The following HSD17B4 variants were observed in gnomAD, a reference collection of about 807,000 sequenced individuals.
HSD17B4 encodes the protein hydroxysteroid 17-beta dehydrogenase 4.
HSD17B4 carries 70 observed loss-of-function variants against 101.0 expected under a neutral mutation model. The ratio of observed to expected loss-of-function variants is 0.69; its 90% CI spans 0.57 to 0.85. HSD17B4 has a LOEUF of 0.85. Among genes scored for constraint, HSD17B4 ranks in the 40% least tolerant of loss-of-function variants. The pLI, the probability that HSD17B4 is intolerant of heterozygous loss-of-function variation, is 0.00. For missense variants in HSD17B4, 984 were observed against 892.4 expected (o/e 1.10, Z -1.31); for synonymous variants, 347 against 297.1 (o/e 1.17, Z -1.73).
intron 9 of HSD17B4, among the ~76,000 whole-genome samples, chr5:119,489,674 T>C (rs751999031): frequency 1.1e-4 from 17 of 152,186 alleles, no homozygotes; most frequent in Non-Finnish European, 2.1e-4. Flanking sequence ...TGGGGCTTTC[T>C]TGTGACAACT....
At chr5:119,470,118 A>C (rs1186593126) in intron 2 of HSD17B4, among the ~76,000 whole-genome samples, 2 of 151,876 alleles carry the variant, frequency 1.3e-5, no homozygotes, top group African/African-American at 4.8e-5. Context: ...GGCCAGGCTA[A>C]TTCTCAGTCT....
chr5:119,506,868 G>A lies in HSD17B4; in HGVS notation c.1312G>A (p.Gly438Ser), dbSNP rs768612138. ...VVADVLDKGS[G>S]VVIIMDVYSY... ...TGCTGATGTCCTAGATAAAGGATCC[G>A]GTGTAGTGATTATTATGGATGGTAA... The change falls in exon 15 of 24, where the codon GGT (glycine) becomes AGT (serine). Residue 438 changes from glycine to serine, a missense_variant. Coordinates refer to ENST00000510025, the MANE Select transcript of HSD17B4 (RefSeq NM_000414.4). The A allele has an allele frequency of 9.6e-6, 15 of 1,566,744 alleles. No homozygotes were observed. The highest frequency in any genetic ancestry group is 3.3e-5 in the Admixed American group (2 of 59,846).
intron 17 of HSD17B4, among the ~76,000 whole-genome samples, chr5:119,518,958 C>A (rs1322434648): frequency 6.6e-6 from 1 of 151,790 alleles, no homozygotes; most frequent in Non-Finnish European, 1.5e-5. Context: ...AAGAACTTGT[C>A]TCCACTAAAA....
chr5:119,462,248 A>AT lies in HSD17B4; in HGVS notation c.112+5915dup, dbSNP rs10524491. On this transcript the variant is annotated intron_variant, in intron 2 of 23. Transcript: ENST00000510025. ...TTCATATCCTCCCCCAACAAATGTG[A>AT]TTTTTTTTTTTTTTTTTTTTTTTTT... 8.4e-3 allele frequency among the ~76,000 whole-genome samples: 253 copies of AT among 29,970 alleles called. 12 individuals are homozygous for AT. The highest frequency in any genetic ancestry group is 9.8e-3 in the African/African-American group (101 of 10,318). 19.7% of individuals were successfully genotyped at this position (29,970 alleles called of 152,430 possible). A position where few individuals can be genotyped will look rare whatever the true frequency, so the allele number is the denominator to read the frequency against.
At chr5:119,522,875 C>T (rs965242556) in intron 17 of HSD17B4, among the ~76,000 whole-genome samples, 2 of 152,006 alleles carry the variant, frequency 1.3e-5, no homozygotes, top group Non-Finnish European at 2.9e-5. Context: ...TGTAATCTTC[C>T]AGGATTCATT....
intron 16 of HSD17B4, among the ~76,000 whole-genome samples, chr5:119,513,967 T>C (rs1752391876): frequency 6.6e-6 from 1 of 152,212 alleles, no homozygotes; most frequent in African/African-American, 2.4e-5. Context: ...GCCCTCAGAA[T>C]CAAGACAGGT....
At chr5:119,499,639 TA>T (rs1750977771) in intron 13 of HSD17B4, 86 bp downstream of exon 13, 1 of 756,174 alleles carries the variant, frequency 1.3e-6, no homozygotes. Context: ...TATGTGTGTG[TA>T]GTGTGTGTAT....
intron 20 of HSD17B4, 45 bp downstream of exon 20, chr5:119,527,264 T>G: frequency 9.3e-7 from 1 of 1,075,900 alleles, no homozygotes; most frequent in Non-Finnish European, 1.4e-6. Context: ...TTTATCATTG[T>G]GTTCCATCTT....
intron 11 of HSD17B4, among the ~76,000 whole-genome samples, chr5:119,494,316 CTTTCTTTCT>C (rs1452967713): frequency 3.7e-5 from 5 of 134,376 alleles, no homozygotes; most frequent in South Asian, 2.3e-4. Flanking sequence ...TTCTTCCTTT[CTTTCTTTCT>C]TTTCTTTCTT....
At chr5:119,470,466 G>A (rs1395223107) in intron 2 of HSD17B4, among the ~76,000 whole-genome samples, 1 of 152,160 alleles carries the variant, frequency 6.6e-6, no homozygotes, top group Non-Finnish European at 1.5e-5. Flanking sequence ...TTCTTTTCAG[G>A]AGCAATTCAG....
At chr5:119,533,014 A>C (rs1275718920) in intron 22 of HSD17B4, among the ~76,000 whole-genome samples, 1 of 152,106 alleles carries the variant, frequency 6.6e-6, no homozygotes, top group African/African-American at 2.4e-5. Context: ...GCCTTTTGTA[A>C]TATGGAATAC....
chr5:119,537,019 C>T (rs1196659824), intron 23 of HSD17B4, among the ~76,000 whole-genome samples: 1 of 152,024 alleles, frequency 6.6e-6, no homozygotes, highest in Non-Finnish European at 1.5e-5. Flanking sequence ...AAACTTTTGA[C>T]CAATCCACAA....
At chr5:119,477,884 T>A (rs1358403136) in intron 7 of HSD17B4, 2 of 203,356 alleles carry the variant, frequency 9.8e-6, no homozygotes, top group Non-Finnish European at 2.0e-5. Flanking sequence ...CCCAAGTAGC[T>A]GGGACTGCAG....
At chr5:119,530,796 T>G (rs2126893041) in intron 21 of HSD17B4, among the ~76,000 whole-genome samples, 1 of 131,338 alleles carries the variant, frequency 7.6e-6, no homozygotes, top group African/African-American at 2.9e-5. Context: ...GAGGTTGCAG[T>G]GAGCCAAGAT....
chr5:119,492,188 G>A, intron 10 of HSD17B4, 64 bp downstream of exon 10: 2 of 1,199,838 alleles, frequency 1.7e-6, no homozygotes, highest in Admixed American at 1.7e-5. Context: ...TACATATCCA[G>A]TTGAGATGGG....
At chr5:119,471,053 T>A (rs1440506729) in intron 2 of HSD17B4, among the ~76,000 whole-genome samples, 1 of 152,248 alleles carries the variant, frequency 6.6e-6, no homozygotes. Flanking sequence ...AGTGTTTCAT[T>A]GCACAATCAA....
At chr5:119,461,437 A>G (rs772655756) in intron 2 of HSD17B4, among the ~76,000 whole-genome samples, 3 of 152,364 alleles carry the variant, frequency 2.0e-5, no homozygotes, top group African/African-American at 4.8e-5. Flanking sequence ...ATAATAACCA[A>G]TGTTGTGAGA....
In HSD17B4 at chr5:119,535,246, T is replaced by C. The variant is rs193200771; in HGVS notation, c.1994-1177T>C. Among the ~76,000 whole-genome samples, 146 of 150,062 alleles carry C rather than the reference T, an allele frequency of 9.7e-4. 1 individual carries two copies. The highest frequency in any genetic ancestry group is 3.2e-3 in the African/African-American group (133 of 41,388). On this transcript the variant is annotated intron_variant, in intron 22 of 23. Transcript: ENST00000510025. Reference sequence around the variant, plus strand: ...AAAGATCAATATCAGGAGATTAACATTGATGCAGTATGTTAGCTAATCTGC... The same window carrying C: ...AAAGATCAATATCAGGAGATTAACACTGATGCAGTATGTTAGCTAATCTGC...
rs1383337929 is a variant in HSD17B4, at chr5:119,496,422, A to T, written c.869-121A>T. On this transcript the variant is annotated intron_variant, in intron 11 of 23. Transcript: ENST00000510025. ...ACATACATTCAGTTCATGAGTGGCA[A>T]TGGAGGCTCTGTAGCAGGTTTGCTG... The T allele has an allele frequency of 9.1e-5, 63 of 694,254 alleles. No homozygotes were observed. In the East Asian group the frequency reaches 1.6e-3, roughly 18 times the overall value. The allele number at this position is 694,254 out of a possible 1,614,324, so 43.0% of individuals were successfully genotyped here. A position where few individuals can be genotyped will look rare whatever the true frequency, so the allele number is the denominator to read the frequency against.
Sources: allele counts gnomAD v4.1 joint callset (sites outside exome capture counted in the v4.1 genomes callset), GRCh38; gene constraint gnomAD v4.1.1; transcripts MANE v1.5; gene names NCBI Gene and HGNC (gene_info 2026-07-23, HGNC 2026-07-21).